The following RBPJ variants were observed in gnomAD, a reference collection of about 807,000 sequenced individuals.
The protein encoded by RBPJ is recombination signal binding protein for immunoglobulin kappa J region.
RBPJ carries 9 observed loss-of-function variants against 67.8 expected under a neutral mutation model. The ratio of observed to expected loss-of-function variants is 0.13; its 90% CI spans 0.08 to 0.23. RBPJ has a LOEUF of 0.23. Ranked by LOEUF, RBPJ falls within the 10% of genes least tolerant of loss-of-function variation. The probability of loss-of-function intolerance (pLI) is 1.00; values close to 1 mark genes in which losing one functional copy is unlikely to be tolerated. For synonymous variants in RBPJ, 198 were observed against 203.3 expected, an observed-to-expected ratio of 0.97 and a Z score of 0.22; for missense variants, 305 against 595.6, an observed-to-expected ratio of 0.51 and a Z score of 5.08.
chr4:26,247,803 T>G (rs1719978084), intron 1 of RBPJ, among the ~76,000 whole-genome samples: 1 of 152,166 alleles, frequency 6.6e-6, no homozygotes, highest in African/African-American at 2.4e-5. Flanking sequence ...TTTTAAAATA[T>G]TTATTTTATA....
chr4:26,333,221 G>A (rs974496631), intron 1 of RBPJ, among the ~76,000 whole-genome samples: 1 of 152,102 alleles, frequency 6.6e-6, no homozygotes, highest in Admixed American at 6.6e-5. Context: ...AATCCCCTGC[G>A]GATACCAAGG....
intron 2 of RBPJ, among the ~76,000 whole-genome samples, chr4:26,388,328 A>G (rs1048386909): frequency 1.3e-4 from 20 of 152,106 alleles, no homozygotes; most frequent in Non-Finnish European, 2.2e-4. Flanking sequence ...TGTGTTCTAT[A>G]TGTCCAAGAT....
intron 1 of RBPJ, among the ~76,000 whole-genome samples, chr4:26,346,591 G>A (rs1256563611): frequency 6.6e-6 from 1 of 152,150 alleles, no homozygotes; most frequent in Non-Finnish European, 1.5e-5. Flanking sequence ...AAAATGATTT[G>A]GGGCTGCTTT....
Position 26,386,411 on chromosome 4 carries a change from G to A in RBPJ, c.59+20G>A. The A allele has an allele frequency of 1.3e-6, 2 of 1,527,930 alleles. No homozygotes were observed. Among genetic ancestry groups the A allele is most frequent in the Non-Finnish European group, 1.8e-6 (2 of 1,116,326 alleles). The allele number at this position is 1,527,930 out of a possible 1,614,324, so 94.6% of individuals were successfully genotyped here. On this transcript the variant is annotated intron_variant, in intron 2 of 10. Transcript: ENST00000355476. ...TACTAGGTGAGTATTATATTAGTCAGCTTTTTACACATACATTTTATGAAA... is the reference window on the plus strand; with the variant it reads ...TACTAGGTGAGTATTATATTAGTCAACTTTTTACACATACATTTTATGAAA...
At chr4:26,359,374 C>G (rs1727761914) in intron 1 of RBPJ, among the ~76,000 whole-genome samples, 1 of 149,218 alleles carries the variant, frequency 6.7e-6, no homozygotes, top group Non-Finnish European at 1.5e-5. Context: ...CCAAACCTTT[C>G]CTAATAATCA....
At chr4:26,130,180 A>G in the RBPJ span, among the ~76,000 whole-genome samples, 1 of 152,164 alleles carries the variant, frequency 6.6e-6, no homozygotes, top group Non-Finnish European at 1.5e-5. Flanking sequence ...TTATTTTTAA[A>G]GAATCAAAGC....
At chr4:26,220,891 G>C (rs1718880917) in intron 1 of RBPJ, among the ~76,000 whole-genome samples, 1 of 152,204 alleles carries the variant, frequency 6.6e-6, no homozygotes, top group African/African-American at 2.4e-5. Context: ...AGATCACTAT[G>C]AGGAAATTCA....
At chr4:26,137,895 A>G in the RBPJ span, among the ~76,000 whole-genome samples, 1 of 152,218 alleles carries the variant, frequency 6.6e-6, no homozygotes, top group East Asian at 1.9e-4. Flanking sequence ...GGCCCCAGTT[A>G]GCTTAACCTA....
rs1377075997 is a variant in RBPJ at position 26,344,766 on chromosome 4, GTA to G, written c.20+23722_20+23723del. Among the ~76,000 whole-genome samples the G allele has an allele frequency of 4.6e-5, 7 of 152,234 alleles. No individual in the cohort carries two copies. In the East Asian group the frequency reaches 1.4e-3, roughly 29 times the overall value. ...TCCCCACCCCACCTCAAAGCCCACT[GTA>G]TATGTGGGGTTATGGTCAGTATTTC... is the stretch of plus-strand genomic sequence containing the variant. On this transcript the variant is annotated intron_variant, in intron 1 of 10. Transcript: ENST00000355476.
Position 26,431,076 on chromosome 4 carries a change from A to G in RBPJ, c.*69A>G. 2 of 1,412,432 alleles carry G rather than the reference A, an allele frequency of 1.4e-6. No individual in the cohort carries two copies. Among genetic ancestry groups the G allele is most frequent in the Non-Finnish European group, 2.0e-6 (2 of 1,021,290 alleles). The allele number at this position is 1,412,432 out of a possible 1,614,324, so 87.5% of individuals were successfully genotyped here. A position where few individuals can be genotyped will look rare whatever the true frequency, so the allele number is the denominator to read the frequency against. On this transcript the variant is annotated 3_prime_UTR_variant, in exon 11 of 11. Coordinates refer to ENST00000355476, the MANE Select transcript of RBPJ (RefSeq NM_015874.6). ...AAAAGTTAACAAAAAAGGAGAAAAA[A>G]TGAACAATCGTTTGTGGTTTCTTGG...
At chr4:26,322,859 A>G (rs1227502587) in intron 1 of RBPJ, 1 of 151,686 alleles carries the variant, frequency 6.6e-6, no homozygotes, top group Non-Finnish European at 1.5e-5. Context: ...GGTGCTAGGA[A>G]TAAGAGTTAT....
chr4:26,246,169 T>C (rs1007371761), intron 1 of RBPJ, among the ~76,000 whole-genome samples: 1 of 152,242 alleles, frequency 6.6e-6, no homozygotes, highest in Non-Finnish European at 1.5e-5. Context: ...ATCATCTTAA[T>C]TGTAGTAAGT....
intron 1 of RBPJ, among the ~76,000 whole-genome samples, chr4:26,289,151 C>A (rs1721576661): frequency 1.3e-5 from 2 of 150,360 alleles, no homozygotes; most frequent in South Asian, 2.1e-4. Flanking sequence ...AATCCCAGCA[C>A]TTTGGGAGGC....
At chr4:26,238,615 C>T (rs1482046353) in intron 1 of RBPJ, among the ~76,000 whole-genome samples, 1 of 152,148 alleles carries the variant, frequency 6.6e-6, no homozygotes, top group Non-Finnish European at 1.5e-5. Context: ...AGTGTGTGTG[C>T]ACCTTCCCCT....
At chr4:26,272,757 A>G (rs997927720) in intron 1 of RBPJ, 1 of 451,170 alleles carries the variant, frequency 2.2e-6, no homozygotes, top group Non-Finnish European at 4.5e-6. Flanking sequence ...ATTTGAAACC[A>G]TGAGGTAGGT....
chr4:26,201,984 C>T (rs1168983091), intron 1 of RBPJ, among the ~76,000 whole-genome samples: 4 of 152,188 alleles, frequency 2.6e-5, no homozygotes, highest in East Asian at 3.8e-4. Flanking sequence ...TCAGCAGCAC[C>T]GAACATGGTT....
chr4:26,288,787 C>T (rs1029947368), intron 1 of RBPJ, among the ~76,000 whole-genome samples: 3 of 152,086 alleles, frequency 2.0e-5, no homozygotes, highest in African/African-American at 7.2e-5. Context: ...TTGTCACAAC[C>T]CCCCAGTGGA....
intron 2 of RBPJ, among the ~76,000 whole-genome samples, chr4:26,394,015 A>G (rs1371498295): frequency 6.9e-6 from 1 of 145,728 alleles, no homozygotes; most frequent in Non-Finnish European, 1.5e-5. Context: ...ATTCACTGTT[A>G]CTATGGATTC....
chr4:26,170,827 C>T (rs759006876), intron 1 of RBPJ, among the ~76,000 whole-genome samples: 4 of 152,212 alleles, frequency 2.6e-5, no homozygotes, highest in Admixed American at 6.5e-5. Flanking sequence ...CTTCAGTACA[C>T]GTCAGCCATC....
Sources: gnomAD v4.1 joint callset for allele counts (sites outside exome capture counted in the v4.1 genomes callset) on GRCh38, gnomAD v4.1.1 for gene constraint, MANE v1.5 for transcripts, NCBI Gene and HGNC (gene_info 2026-07-23, HGNC 2026-07-21) for gene names.